Variants in SLC35D4 observed in about 807,000 individuals in gnomAD.
SLC35D4 encodes UDP-N-acetylglucosamine transporter SLC35D4.
At chr18:23,340,955 A>G in the SLC35D4 span, among the ~76,000 whole-genome samples, 19 of 152,248 alleles carry the variant, frequency 1.2e-4, no homozygotes, top group Admixed American at 7.9e-4. Context: ...CAATCCAGGA[A>G]GAATTCTCAT....
At chr18:23,388,015 A>G in the SLC35D4 span, among the ~76,000 whole-genome samples, 3 of 152,360 alleles carry the variant, frequency 2.0e-5, no homozygotes. Context: ...AATCTTGGAC[A>G]GGTTAATCAC....
the SLC35D4 span, chr18:23,258,774 G>C: frequency 6.6e-6 from 1 of 152,198 alleles, no homozygotes; most frequent in Admixed American, 6.5e-5. Flanking sequence ...CACCAGCCCA[G>C]AGAAAGGGCG....
At chr18:23,253,782 C>G in the SLC35D4 span, 3 of 1,614,192 alleles carry the variant, frequency 1.9e-6, no homozygotes, top group South Asian at 3.3e-5. Context: ...CTTGAGGAGC[C>G]CACGGTGGCC....
At chr18:23,365,072 C>G in the SLC35D4 span, among the ~76,000 whole-genome samples, 5 of 152,100 alleles carry the variant, frequency 3.3e-5, no homozygotes, top group Non-Finnish European at 7.3e-5. Context: ...AACTCCTTCA[C>G]TTAATTATTT....
chr18:23,431,087 G>A, the SLC35D4 span, among the ~76,000 whole-genome samples: 1 of 131,408 alleles, frequency 7.6e-6, no homozygotes, highest in African/African-American at 2.9e-5. Context: ...CTAGGAGGCA[G>A]AGGTTGCAGT....
chr18:23,428,351 C>A, the SLC35D4 span, among the ~76,000 whole-genome samples: 46 of 152,182 alleles, frequency 3.0e-4, no homozygotes, highest in African/African-American at 1.1e-3. Context: ...AACAACATAC[C>A]TTTTGCTCAT....
chr18:23,388,349 A>C, the SLC35D4 span, among the ~76,000 whole-genome samples: 3 of 152,192 alleles, frequency 2.0e-5, no homozygotes, highest in Admixed American at 6.5e-5. Flanking sequence ...CTCTTATTTA[A>C]ACCTCCTCCC....
At chr18:23,368,124 A>C in the SLC35D4 span, among the ~76,000 whole-genome samples, 2 of 152,190 alleles carry the variant, frequency 1.3e-5, no homozygotes, top group African/African-American at 2.4e-5. Flanking sequence ...CTAGTTTAAA[A>C]TGTAGAATTC....
chr18:23,252,445 C>T, the SLC35D4 span, among the ~76,000 whole-genome samples: 1 of 152,182 alleles, frequency 6.6e-6, no homozygotes, highest in Non-Finnish European at 1.5e-5. Flanking sequence ...TTGCTGTAGG[C>T]CAGGCACTGT....
At chr18:23,341,134 T>G in the SLC35D4 span, among the ~76,000 whole-genome samples, 1 of 152,256 alleles carries the variant, frequency 6.6e-6, no homozygotes, top group Non-Finnish European at 1.5e-5. Context: ...TGAGATTTTA[T>G]GAAGATGCAG....
the SLC35D4 span, among the ~76,000 whole-genome samples, chr18:23,407,897 G>A: frequency 6.6e-6 from 1 of 152,148 alleles, no homozygotes; most frequent in South Asian, 2.1e-4. Context: ...CCTTGGATAT[G>A]AGTAAAGTTA....
At chr18:23,342,928 C>CTT in the SLC35D4 span, among the ~76,000 whole-genome samples, 14 of 147,372 alleles carry the variant, frequency 9.5e-5, no homozygotes, top group Non-Finnish European at 2.0e-4. Context: ...TCAACATTAT[C>CTT]TTTTTTTTTT....
At chr18:23,297,955 T>G in the SLC35D4 span, 1 of 1,597,692 alleles carries the variant, frequency 6.3e-7, no homozygotes, top group South Asian at 1.1e-5. Flanking sequence ...TACACAGGTG[T>G]ACAAGCTGTT....
chr18:23,291,846 G>A, the SLC35D4 span, among the ~76,000 whole-genome samples: 42 of 152,222 alleles, frequency 2.8e-4, no homozygotes, highest in Non-Finnish European at 4.9e-4. Flanking sequence ...ATGGAGGTGG[G>A]GCATCTTTGG....
the SLC35D4 span, among the ~76,000 whole-genome samples, chr18:23,342,281 C>T: frequency 1.1e-4 from 17 of 152,090 alleles, no homozygotes; most frequent in African/African-American, 4.1e-4. Context: ...TATAAAATTG[C>T]CTTTTTATGG....
chr18:23,289,238 A>C, the SLC35D4 span, among the ~76,000 whole-genome samples: 43 of 152,250 alleles, frequency 2.8e-4, no homozygotes, highest in East Asian at 6.9e-3. Context: ...TCCACTGTTA[A>C]CTCTTAAAGT....
the SLC35D4 span, among the ~76,000 whole-genome samples, chr18:23,319,133 C>T: frequency 1.6e-4 from 24 of 152,158 alleles, no homozygotes; most frequent in East Asian, 3.9e-4. Context: ...TGTGAGGCAC[C>T]GCACCCAACC....
chr18:23,437,797 G>C, the SLC35D4 span: 21 of 1,611,940 alleles, frequency 1.3e-5, no homozygotes, highest in Non-Finnish European at 1.8e-5. Flanking sequence ...CGTGAGGTAA[G>C]AAGCCAGGTA....
chr18:23,420,910 C>T, the SLC35D4 span, among the ~76,000 whole-genome samples: 3 of 152,064 alleles, frequency 2.0e-5, no homozygotes, highest in Admixed American at 1.3e-4. Flanking sequence ...CACTAAACCT[C>T]ACGGTTAGAA....
Sources: allele counts gnomAD v4.1 joint callset (sites outside exome capture counted in the v4.1 genomes callset), GRCh38; gene constraint gnomAD v4.1.1; transcripts MANE v1.5; gene names NCBI Gene and HGNC (gene_info 2026-07-23, HGNC 2026-07-21).